Variants in SMARCA2 observed in about 807,000 individuals in gnomAD.
SMARCA2 encodes SWI/SNF-related matrix-associated actin-dependent regulator of chromatin subfamily A member 2.
A neutral mutation model predicts 199.8 loss-of-function variants in SMARCA2; 61 were observed. The observed-to-expected ratio is 0.31, with a 90% CI of 0.25 to 0.38. The LOEUF (loss-of-function observed/expected upper bound fraction) is 0.38. Ranked by LOEUF, SMARCA2 falls within the 10% of genes least tolerant of loss-of-function variation. The pLI, the probability that SMARCA2 is intolerant of heterozygous loss-of-function variation, is 1.00. For synonymous variants in SMARCA2, 935 were observed against 732.0 expected (o/e 1.28, Z -4.48); for missense variants, 1,344 against 2,012.2 (o/e 0.67, Z 6.35).
At chr9:2,051,306 G>T (rs1255278670) in intron 5 of SMARCA2, among the ~76,000 whole-genome samples, 1 of 152,096 alleles carries the variant, frequency 6.6e-6, no homozygotes, top group Non-Finnish European at 1.5e-5. Context: ...TCCAGAAAAG[G>T]GATTCTTTTG....
intron 10 of SMARCA2, among the ~76,000 whole-genome samples, chr9:2,070,718 T>C (rs1329268658): frequency 6.6e-5 from 10 of 152,272 alleles, no homozygotes; most frequent in Admixed American, 6.5e-4. Context: ...CAGAATTTTC[T>C]GTGCACATAT....
At chr9:2,050,851 T>A (rs1052231568) in intron 5 of SMARCA2, among the ~76,000 whole-genome samples, 2 of 152,226 alleles carry the variant, frequency 1.3e-5, no homozygotes, top group African/African-American at 4.8e-5. Context: ...TGAACAAGTA[T>A]CTGTTGCATT....
At position 2,084,541 on chromosome 9, in the gene SMARCA2, G is replaced by A. The variant is rs996587584; in HGVS notation, c.2526+345G>A. ...CTCTCTAACAGCTTTGCACATTCTC[G>A]GGAAAGAAATAATTGTTTTTGTTGC... On this transcript the variant is annotated intron_variant, in intron 17 of 33. Coordinates refer to ENST00000349721, the MANE Select transcript of SMARCA2 (RefSeq NM_003070.5). 5.5e-4 allele frequency among the ~76,000 whole-genome samples: 83 copies of A among 151,996 alleles called. 3 individuals are homozygous for A. Among genetic ancestry groups the A allele is most frequent in the Non-Finnish European group, 1.0e-4 (7 of 67,988 alleles).
chr9:2,122,847 A>G (rs773461307), intron 26 of SMARCA2, among the ~76,000 whole-genome samples: 38 of 152,360 alleles, frequency 2.5e-4, no homozygotes, highest in African/African-American at 8.9e-4. Context: ...CTGTGGATAT[A>G]TAGTGGCAGT....
chr9:2,097,357 C>A (rs1476878691), intron 20 of SMARCA2, 28 bp from the exon 21 acceptor site: 1 of 1,392,852 alleles, frequency 7.2e-7, no homozygotes, highest in Non-Finnish European at 1.0e-6. Context: ...ATAATTAATT[C>A]TATTTTTCCC....
intron 27 of SMARCA2, among the ~76,000 whole-genome samples, chr9:2,156,414 CTTTTTTTTTT>C (rs57161267): frequency 5.6e-4 from 39 of 69,160 alleles, no homozygotes; most frequent in Admixed American, 1.3e-3. Flanking sequence ...CCATTTTAGA[CTTTTTTTTTT>C]TTTTTTTTTT....
At chr9:2,164,818 T>A (rs1825859630) in intron 28 of SMARCA2, among the ~76,000 whole-genome samples, 1 of 152,256 alleles carries the variant, frequency 6.6e-6, no homozygotes, top group Non-Finnish European at 1.5e-5. Flanking sequence ...CCTTAAAAAG[T>A]GTCCTGGTAA....
rs1016798707 is a variant in SMARCA2, at chr9:2,115,341, ATG to A, written c.3457-470_3457-469del. Among the ~76,000 whole-genome samples, 2 of 151,982 alleles carry A rather than the reference ATG, an allele frequency of 1.3e-5. No individual in the cohort carries two copies. Among genetic ancestry groups the A allele is most frequent in the African/African-American group, 4.8e-5 (2 of 41,384 alleles). ...CTACCTGAGCAGTCAGTGTGTGTGT[ATG>A]TGTGTGTGTGGTAAGATGTATGTAT... On this transcript the variant is annotated intron_variant, in intron 24 of 33. Coordinates refer to ENST00000349721, the MANE Select transcript of SMARCA2 (RefSeq NM_003070.5). This position sits in a 1 kb window ranked among gnomAD's most constrained non-coding sequence, Gnocchi z 6.0.
At chr9:2,030,465 G>C (rs1298420675) in intron 2 of SMARCA2, among the ~76,000 whole-genome samples, 3 of 150,748 alleles carry the variant, frequency 2.0e-5, no homozygotes, top group African/African-American at 7.3e-5. Context: ...AGTCAGTGGA[G>C]TAAGTTCAAG....
intron 19 of SMARCA2, 40 bp downstream of exon 19, chr9:2,088,653 T>A: frequency 7.4e-7 from 1 of 1,356,456 alleles, no homozygotes; most frequent in Non-Finnish European, 1.0e-6. Context: ...TTTTTTTTCC[T>A]CCAGCAAATA....
chr9:2,070,565 ACTGTGCTATTTAT>A, intron 10 of SMARCA2, 94 bp downstream of exon 10: 3 of 856,100 alleles, frequency 3.5e-6, no homozygotes, highest in Non-Finnish European at 3.8e-6. Context: ...TTTTATTCTT[ACTGTGCTATTTAT>A]TTTAAGTAAA....
At chr9:2,158,160 C>CAAAAAAAAA (rs532618380) in intron 27 of SMARCA2, 1 of 87,868 alleles carries the variant, frequency 1.1e-5, no homozygotes, top group Non-Finnish European at 2.3e-5. Context: ...GAAAGAGGGC[C>CAAAAAAAAA]AAAAAAAAAA....
chr9:2,130,415 G>C (rs910403220), intron 27 of SMARCA2, among the ~76,000 whole-genome samples: 13 of 152,160 alleles, frequency 8.5e-5, no homozygotes, highest in Non-Finnish European at 1.5e-4. Flanking sequence ...GCTCTTGATC[G>C]TAAAGGTGGT....
rs779687095 is a variant in SMARCA2 at position 2,047,313 on chromosome 9, C to T, written c.875C>T (p.Pro292Leu). ...APGGRPSPAP[P>L]AAAQPPAAAV... ...GGCGGCCGGCCCTCGCCCGCGCCCCCCGCAGCCGCGCAGCCGCCCGCGGCC... is the reference window on the plus strand; with the variant it reads ...GGCGGCCGGCCCTCGCCCGCGCCCCTCGCAGCCGCGCAGCCGCCCGCGGCC... Residue 292 changes from proline (P) to leucine (L), a missense_variant, in exon 5 of 34, where the codon CCC (proline) becomes CTC (leucine). Coordinates refer to ENST00000349721, the MANE Select transcript of SMARCA2 (RefSeq NM_003070.5). The T allele has an allele frequency of 9.8e-7, 1 of 1,022,942 alleles. No individual in the cohort carries two copies. The highest frequency in any genetic ancestry group is 4.3e-5 in the South Asian group (1 of 23,326). 63.4% of individuals were successfully genotyped at this position (1,022,942 alleles called of 1,614,324 possible). A position where few individuals can be genotyped will look rare whatever the true frequency, so the allele number is the denominator to read the frequency against.
intron 21 of SMARCA2, among the ~76,000 whole-genome samples, chr9:2,100,863 AAG>A (rs1460674852): frequency 7.9e-5 from 12 of 152,300 alleles, no homozygotes; most frequent in Middle Eastern, 3.4e-3. Context: ...TGTAAGGAAA[AAG>A]AGGTTTAATG....
chr9:2,163,163 A>G (rs1825769735), intron 28 of SMARCA2, among the ~76,000 whole-genome samples: 1 of 152,244 alleles, frequency 6.6e-6, no homozygotes, highest in Non-Finnish European at 1.5e-5. Flanking sequence ...TCTTATCTGC[A>G]AGGAGTTTTC....
intron 4 of SMARCA2, chr9:2,042,435 A>G (rs1281409146): frequency 6.6e-6 from 1 of 152,268 alleles, no homozygotes; most frequent in Non-Finnish European, 1.5e-5. Context: ...AGCTAGACTC[A>G]GTAATAAAAG....
chr9:2,161,741 G>A lies in SMARCA2; in HGVS notation c.4037G>A (p.Arg1346Gln), dbSNP rs759521062. ...EMEEEVRLKK[R>Q]KRRRNVDKDP... ...GAAGAGGAAGTACGGCTTAAGAAGC[G>A]AAAAAGACGAAGAAATGTGGATAAA... The change falls in exon 28 of 34, where the codon CGA becomes CAA. Residue 1346 changes from arginine to glutamine, a missense_variant. Coordinates refer to ENST00000349721, the MANE Select transcript of SMARCA2 (RefSeq NM_003070.5). The surrounding 1 kb of genome is among the most constrained non-coding windows in gnomAD (Gnocchi z 4.7). 7 of 1,613,886 alleles carry A rather than the reference G, an allele frequency of 4.3e-6. No homozygotes were observed. Among genetic ancestry groups the A allele is most frequent in the Non-Finnish European group, 4.2e-6 (5 of 1,179,970 alleles).
intron 27 of SMARCA2, chr9:2,160,861 T>A: frequency 2.6e-6 from 1 of 389,658 alleles, no homozygotes; most frequent in East Asian, 3.8e-5. Context: ...TTTTTCTTCT[T>A]TTGAGTTTTG....
Sources: gnomAD v4.1 joint callset for allele counts (sites outside exome capture counted in the v4.1 genomes callset) on GRCh38, gnomAD v4.1.1 for gene constraint, Gnocchi (gnomAD v3.1) non-coding constraint, MANE v1.5 for transcripts, NCBI Gene and HGNC (gene_info 2026-07-23, HGNC 2026-07-21) for gene names.